The following PRKG1 variants were observed in gnomAD, a reference collection of about 807,000 sequenced individuals.
The protein encoded by PRKG1 is protein kinase cGMP-dependent 1, also known as cGMP-dependent protein kinase 1.
In PRKG1, 35 loss-of-function variants were observed where a neutral mutation model predicts 88.1. The ratio of observed to expected loss-of-function variants is 0.40; its 90% CI spans 0.30 to 0.53. The LOEUF is 0.53. PRKG1 is among the 20% of genes least tolerant of loss of function. The pLI is 0.59. For synonymous variants in PRKG1, 303 were observed against 292.5 expected (o/e 1.04, Z -0.37); for missense variants, 540 against 839.8 (o/e 0.64, Z 4.41).
chr10:52,094,108 A>C (rs1208339478), intron 7 of PRKG1, among the ~76,000 whole-genome samples: 1 of 152,140 alleles, frequency 6.6e-6, no homozygotes, highest in Non-Finnish European at 1.5e-5. Context: ...TTAGGGGTCT[A>C]TTTCTTTAAT....
intron 3 of PRKG1, among the ~76,000 whole-genome samples, chr10:51,606,147 A>T (rs552544611): frequency 6.6e-6 from 1 of 152,340 alleles, no homozygotes; most frequent in South Asian, 2.1e-4. Flanking sequence ...AATAAATGGT[A>T]GGTTAATTTA....
intron 2 of PRKG1, among the ~76,000 whole-genome samples, chr10:51,286,076 T>C (rs376755627): frequency 8.5e-5 from 13 of 152,184 alleles, no homozygotes; most frequent in African/African-American, 2.2e-4. Context: ...TTTCAAGCAA[T>C]TCTTGGATCT....
intron 3 of PRKG1, among the ~76,000 whole-genome samples, chr10:51,502,776 C>G (rs1841067953): frequency 6.6e-6 from 1 of 152,104 alleles, no homozygotes; most frequent in Admixed American, 6.6e-5. Flanking sequence ...AATGATTAGT[C>G]AAGTCTAGAG....
intron 1 of PRKG1, among the ~76,000 whole-genome samples, chr10:51,032,193 C>T (rs1354764413): frequency 6.6e-6 from 1 of 152,104 alleles, no homozygotes; most frequent in Non-Finnish European, 1.5e-5. Context: ...TCATGTGTAC[C>T]TGTTGTCTCC....
chr10:51,684,367 G>A (rs2132376934), intron 3 of PRKG1, among the ~76,000 whole-genome samples: 1 of 152,182 alleles, frequency 6.6e-6, no homozygotes, highest in Non-Finnish European at 1.5e-5. Flanking sequence ...GTTTCTTTCT[G>A]GGGTGATGAA....
At chr10:51,815,369 A>C (rs542283528) in intron 4 of PRKG1, among the ~76,000 whole-genome samples, 2 of 152,332 alleles carry the variant, frequency 1.3e-5, no homozygotes, top group African/African-American at 4.8e-5. Flanking sequence ...ATTCTGTAAC[A>C]AACAAATTCA....
intron 3 of PRKG1, among the ~76,000 whole-genome samples, chr10:51,650,195 G>A (rs1029930073): frequency 3.3e-5 from 5 of 152,128 alleles, no homozygotes; most frequent in Admixed American, 6.6e-5. Flanking sequence ...CCAGCCTGCC[G>A]TGCTTTTTCC....
intron 2 of PRKG1, among the ~76,000 whole-genome samples, chr10:51,173,816 C>T (rs1297223602): frequency 2.6e-5 from 4 of 151,760 alleles, no homozygotes; most frequent in Non-Finnish European, 5.9e-5. Context: ...TATTTAAAAT[C>T]AGGCTGTATG....
intron 5 of PRKG1, among the ~76,000 whole-genome samples, chr10:51,989,525 G>A (rs181591949): frequency 4.6e-5 from 7 of 151,888 alleles, no homozygotes; most frequent in Admixed American, 1.3e-4. Flanking sequence ...ATTTAGTAAT[G>A]TAACCAGATT....
chr10:51,297,713 A>G (rs898044045), intron 2 of PRKG1, among the ~76,000 whole-genome samples: 5 of 152,098 alleles, frequency 3.3e-5, no homozygotes, highest in African/African-American at 1.2e-4. Flanking sequence ...ATCTACACAT[A>G]CTGCATTACT....
At chr10:51,921,511 T>A (rs993630580) in intron 5 of PRKG1, among the ~76,000 whole-genome samples, 1 of 152,144 alleles carries the variant, frequency 6.6e-6, no homozygotes, top group African/African-American at 2.4e-5. Context: ...GGAAAGCATC[T>A]AGTTTCTCAC....
chr10:51,567,472 T>C (rs1157920041), intron 3 of PRKG1, among the ~76,000 whole-genome samples: 1 of 152,106 alleles, frequency 6.6e-6, no homozygotes, highest in African/African-American at 2.4e-5. Flanking sequence ...GAGACCACAT[T>C]ACCCAGTGGG....
chr10:51,683,448 A>T (rs968585966), intron 3 of PRKG1, among the ~76,000 whole-genome samples: 1 of 152,266 alleles, frequency 6.6e-6, no homozygotes, highest in Non-Finnish European at 1.5e-5. Flanking sequence ...CTCATTGCCC[A>T]ATGCACATAG....
intron 5 of PRKG1, chr10:51,907,790 A>C (rs1036510366): frequency 2.4e-6 from 1 of 420,926 alleles, no homozygotes; most frequent in African/African-American, 2.0e-5. Flanking sequence ...AGAGGGAGAC[A>C]AACTTTTTGT....
chr10:51,997,800 C>G (rs2133142590), intron 5 of PRKG1, among the ~76,000 whole-genome samples: 1 of 151,978 alleles, frequency 6.6e-6, no homozygotes, highest in East Asian at 1.9e-4. Flanking sequence ...TTTCTTCCTC[C>G]TTTTCTTTTC....
chr10:52,122,506 C>G (rs907104423), intron 7 of PRKG1, among the ~76,000 whole-genome samples: 4 of 152,122 alleles, frequency 2.6e-5, no homozygotes, highest in Non-Finnish European at 5.9e-5. Flanking sequence ...CTGAAAACCA[C>G]CAGATTTATG....
intron 1 of PRKG1, among the ~76,000 whole-genome samples, chr10:51,133,559 C>A (rs1845620776): frequency 6.6e-6 from 1 of 152,152 alleles, no homozygotes; most frequent in Non-Finnish European, 1.5e-5. Flanking sequence ...AAACTCAGGT[C>A]TTTCTGCAGC....
intron 5 of PRKG1, among the ~76,000 whole-genome samples, chr10:51,984,035 G>A (rs1364169114): frequency 5.3e-5 from 8 of 152,234 alleles, no homozygotes; most frequent in Admixed American, 4.6e-4. Flanking sequence ...GGAACTCACA[G>A]TCACTTACGT....
chr10:51,503,560 C>T (rs1284905459), intron 3 of PRKG1, among the ~76,000 whole-genome samples: 9 of 152,194 alleles, frequency 5.9e-5, no homozygotes, highest in Non-Finnish European at 4.4e-5. Flanking sequence ...TTGGCCTAAG[C>T]CAGGTCTGTA....
Sources: gnomAD v4.1 joint callset for allele counts (sites outside exome capture counted in the v4.1 genomes callset) on GRCh38, gnomAD v4.1.1 for gene constraint, MANE v1.5 for transcripts, NCBI Gene and HGNC (gene_info 2026-07-23, HGNC 2026-07-21) for gene names.